Variants in DLG5 observed in about 807,000 individuals in gnomAD.
DLG5 encodes discs large MAGUK scaffold protein 5.
In DLG5, 48 loss-of-function variants were observed where a neutral mutation model predicts 189.8. That is an observed-to-expected ratio of 0.25 (90% CI 0.20 to 0.32). The LOEUF (loss-of-function observed/expected upper bound fraction) is 0.32. Ranked by LOEUF, DLG5 falls within the 10% of genes least tolerant of loss-of-function variation. The pLI, the probability that DLG5 is intolerant of heterozygous loss-of-function variation, is 1.00. For synonymous variants in DLG5, 1,016 were observed against 1,054.1 expected (o/e 0.96, Z 0.70); for missense variants, 2,160 against 2,544.7 (o/e 0.85, Z 3.25).
chr10:77,854,405 GC>G, intron 3 of DLG5, 35 bp from the exon 4 acceptor site: 1 of 1,611,210 alleles, frequency 6.2e-7, no homozygotes. Context: ...ATGAACACAG[GC>G]CCCAGGATTC....
At chr10:77,818,627 C>A (rs1842181395) in intron 17 of DLG5, among the ~76,000 whole-genome samples, 1 of 152,178 alleles carries the variant, frequency 6.6e-6, no homozygotes, top group South Asian at 2.1e-4. Context: ...CAGCTGGCCT[C>A]TTTCATCCTT....
chr10:77,885,557 C>G (rs1448886736), intron 1 of DLG5, among the ~76,000 whole-genome samples: 1 of 152,194 alleles, frequency 6.6e-6, no homozygotes, highest in Non-Finnish European at 1.5e-5. Context: ...TGCCAGCCCC[C>G]AAAGATTCCA....
intron 2 of DLG5, among the ~76,000 whole-genome samples, chr10:77,857,998 G>A (rs938974707): frequency 6.6e-6 from 1 of 152,184 alleles, no homozygotes; most frequent in Non-Finnish European, 1.5e-5. Flanking sequence ...AAATGTTCAT[G>A]CAAACCAAGA....
intron 2 of DLG5, among the ~76,000 whole-genome samples, chr10:77,859,524 C>G (rs1440818132): frequency 4.6e-5 from 7 of 152,126 alleles, no homozygotes; most frequent in Admixed American, 1.3e-4. Context: ...TGTATAGACA[C>G]ACAAATACTT....
At chr10:77,844,703 G>A (rs969171726) in intron 5 of DLG5, among the ~76,000 whole-genome samples, 1 of 152,234 alleles carries the variant, frequency 6.6e-6, no homozygotes, top group African/African-American at 2.4e-5. Context: ...TCAGAGCAAG[G>A]TAAGAACTAT....
intron 1 of DLG5, among the ~76,000 whole-genome samples, chr10:77,910,124 C>T (rs1169486284): frequency 1.3e-5 from 2 of 152,226 alleles, no homozygotes; most frequent in Non-Finnish European, 2.9e-5. Context: ...CCCAGTGTGA[C>T]AGATGCTCAG....
chr10:77,905,096 T>C (rs2154577995), intron 1 of DLG5, among the ~76,000 whole-genome samples: 1 of 145,860 alleles, frequency 6.9e-6, no homozygotes, highest in East Asian at 2.1e-4. Flanking sequence ...GCCACTGCAC[T>C]CTAGCCTGGG....
At chr10:77,840,765 C>T (rs935733852) in intron 7 of DLG5, among the ~76,000 whole-genome samples, 1 of 152,172 alleles carries the variant, frequency 6.6e-6, no homozygotes, top group Non-Finnish European at 1.5e-5. Flanking sequence ...TTCGAGACCA[C>T]ATGACTGAGG....
chr10:77,856,644 CA>C lies in DLG5; in HGVS notation c.536+85del, dbSNP rs1844242894. On this transcript the variant is annotated intron_variant, in intron 3 of 31. Transcript: ENST00000372391. ...CAGCGCAGCCTGGACCCCCAGGAGC[CA>C]GGGGTGTTTGGGGGTGACAGCACCA... The C allele has an allele frequency of 3.3e-6, 5 of 1,537,748 alleles. No individual in the cohort carries two copies. The East Asian group carries it at 1.1e-4, about 35-fold the overall frequency.
In DLG5 at chr10:77,922,418, T is replaced by C. The variant is rs530047366; in HGVS notation, c.304+3799A>G. ...GAGACCCAACTGAGCCACTCAGAAGTAAACAATTCTGTCTTCTCCCTACCA... is the reference window on the plus strand; with the variant it reads ...GAGACCCAACTGAGCCACTCAGAAGCAAACAATTCTGTCTTCTCCCTACCA... On this transcript the variant is annotated intron_variant, in intron 1 of 31. Transcript: ENST00000372391. 2.4e-4 allele frequency among the ~76,000 whole-genome samples: 37 copies of C among 152,280 alleles called. No homozygotes were observed. In the Middle Eastern group the frequency reaches 0.01, roughly 42 times the overall value.
At chr10:77,878,178 T>C (rs1447749070) in intron 1 of DLG5, among the ~76,000 whole-genome samples, 1 of 152,202 alleles carries the variant, frequency 6.6e-6, no homozygotes, top group Admixed American at 6.5e-5. Flanking sequence ...CAGAGTACAC[T>C]GCCCTCCACC....
At chr10:77,903,433 A>AT (rs961684870) in intron 1 of DLG5, among the ~76,000 whole-genome samples, 3 of 151,594 alleles carry the variant, frequency 2.0e-5, no homozygotes, top group African/African-American at 7.3e-5. Context: ...GTCTCAAAAA[A>AT]AAAAATAAAA....
intron 1 of DLG5, among the ~76,000 whole-genome samples, chr10:77,916,311 A>G (rs1333487440): frequency 6.6e-6 from 1 of 151,944 alleles, no homozygotes; most frequent in Non-Finnish European, 1.5e-5. Flanking sequence ...TTTTTGTAAG[A>G]CAGAGTTTCG....
At chr10:77,801,522 T>C (rs1445078278) in intron 27 of DLG5, among the ~76,000 whole-genome samples, 1 of 151,970 alleles carries the variant, frequency 6.6e-6, no homozygotes, top group African/African-American at 2.4e-5. Context: ...ACAGAAGCAA[T>C]ATGAAAGAAA....
Position 77,821,213 on chromosome 10 carries a change from T to C in DLG5, c.3271A>G (p.Lys1091Glu). Residue 1091 changes from lysine to glutamate, a missense_variant, in exon 15 of 32, where the codon AAG becomes GAG. Lys to Glu is a moderately conservative substitution (Grantham distance 56). This residue lies in a region of DLG5 where 754 missense variants were observed against 746.5 expected (regional missense o/e 1.01). Transcript: ENST00000372391. ...GTGAGGTCCTCATCACAGGATTTCT[T>C]GGCCGGCAGGTGGGAGGAGTCCCCA... ...GDGDSSHLPAKKSCDEDLTSQ... is the reference protein window; with the variant it reads ...GDGDSSHLPAEKSCDEDLTSQ... 1.2e-6 allele frequency: 2 copies of C among 1,614,140 alleles called. No individual in the cohort carries two copies. The highest frequency in any genetic ancestry group is 2.2e-5 in the South Asian group (2 of 91,086).
the DLG5 span, among the ~76,000 whole-genome samples, chr10:77,937,715 C>CTTTT: frequency 9.9e-6 from 1 of 101,320 alleles, no homozygotes; most frequent in African/African-American, 3.7e-5. Context: ...ACATTTTATA[C>CTTTT]TTTTTTTTTT....
chr10:77,799,848 C>A (rs1841111031), intron 27 of DLG5, among the ~76,000 whole-genome samples: 1 of 152,092 alleles, frequency 6.6e-6, no homozygotes, highest in African/African-American at 2.4e-5. Context: ...TGGCCTCAAG[C>A]GATCCTCTTG....
intron 8 of DLG5, among the ~76,000 whole-genome samples, chr10:77,834,383 G>C (rs888260216): frequency 2.0e-5 from 3 of 152,088 alleles, no homozygotes; most frequent in African/African-American, 7.2e-5. Flanking sequence ...GGAGCCAGGG[G>C]GTGGCTCTCC....
chr10:77,915,182 C>T (rs189817329), intron 1 of DLG5, among the ~76,000 whole-genome samples: 21 of 152,200 alleles, frequency 1.4e-4, no homozygotes, highest in African/African-American at 5.1e-4. Context: ...CAAAAATTAG[C>T]TGGGCGCAGT....
Sources: allele counts gnomAD v4.1 joint callset (sites outside exome capture counted in the v4.1 genomes callset), GRCh38; gene constraint gnomAD v4.1.1; regional missense constraint gnomAD v4.1.1; transcripts MANE v1.5; gene names NCBI Gene and HGNC (gene_info 2026-07-23, HGNC 2026-07-21).